GRIK4: variants seen among roughly 807,000 people sequenced by gnomAD.
GRIK4 encodes glutamate ionotropic receptor kainate type subunit 4.
GRIK4 carries 40 observed loss-of-function variants against 104.9 expected under a neutral mutation model. That is an observed-to-expected ratio of 0.38 (90% CI 0.30 to 0.50). The LOEUF (loss-of-function observed/expected upper bound fraction) is 0.50, where lower values mean the gene tolerates loss of function less well. Among genes scored for constraint, GRIK4 ranks in the 20% least tolerant of loss-of-function variants. GRIK4 has a pLI of 0.93. For synonymous variants in GRIK4, 485 were observed against 524.9 expected, an observed-to-expected ratio of 0.92 and a Z score of 1.04; for missense variants, 1,047 against 1,308.1, an observed-to-expected ratio of 0.80 and a Z score of 3.08.
chr11:120,830,860 C>T (rs971041342), intron 6 of GRIK4, among the ~76,000 whole-genome samples: 1 of 150,922 alleles, frequency 6.6e-6, no homozygotes, highest in Non-Finnish European at 1.5e-5. Context: ...TGCACCCCCA[C>T]ATCACCCCCA....
intron 19 of GRIK4, among the ~76,000 whole-genome samples, chr11:120,971,035 TAAATC>T (rs1944466397): frequency 1.3e-5 from 2 of 152,132 alleles, no homozygotes; most frequent in Non-Finnish European, 2.9e-5. Context: ...TTGAGTAAGA[TAAATC>T]AAGCATTCAG....
intron 8 of GRIK4, among the ~76,000 whole-genome samples, chr11:120,854,680 T>G (rs1260186382): frequency 6.6e-6 from 1 of 152,220 alleles, no homozygotes; most frequent in Non-Finnish European, 1.5e-5. Flanking sequence ...GCTATTCTAT[T>G]ATTACTTCTA....
At chr11:120,963,732 C>T (rs184340062) in intron 18 of GRIK4, among the ~76,000 whole-genome samples, 19 of 152,262 alleles carry the variant, frequency 1.2e-4, no homozygotes, top group Admixed American at 1.1e-3. Context: ...GTAACGAGCA[C>T]GGGCTGGGAG....
intron 20 of GRIK4, among the ~76,000 whole-genome samples, 196 bp downstream of exon 20, chr11:120,982,420 T>C (rs117429866): frequency 1.3e-5 from 2 of 152,360 alleles, no homozygotes; most frequent in East Asian, 3.9e-4. Flanking sequence ...TCTAGAACTA[T>C]CATTTAAGAT....
intron 11 of GRIK4, among the ~76,000 whole-genome samples, chr11:120,896,549 G>A (rs544220342): frequency 9.2e-5 from 14 of 152,266 alleles, no homozygotes; most frequent in African/African-American, 3.4e-4. Flanking sequence ...GAGACCATAA[G>A]GCTCCTGCCT....
chr11:120,550,885 C>T (rs936238441), intron 1 of GRIK4, among the ~76,000 whole-genome samples: 2 of 152,018 alleles, frequency 1.3e-5, no homozygotes. Flanking sequence ...AGCAGGTGCA[C>T]AGAGCAGTGG....
chr11:120,785,496 A>G (rs1031215015), intron 3 of GRIK4, among the ~76,000 whole-genome samples: 2 of 152,232 alleles, frequency 1.3e-5, no homozygotes, highest in African/African-American at 2.4e-5. Context: ...ATTGTCGGTG[A>G]TGCCAGGGAC....
chr11:120,519,815 A>G (rs1947773770), intron 1 of GRIK4, among the ~76,000 whole-genome samples: 1 of 149,210 alleles, frequency 6.7e-6, no homozygotes, highest in African/African-American at 2.5e-5. Flanking sequence ...TGAAATATGC[A>G]CTAATCCCTC....
intron 1 of GRIK4, among the ~76,000 whole-genome samples, chr11:120,573,167 G>T (rs1158886152): frequency 2.0e-5 from 3 of 152,180 alleles, no homozygotes; most frequent in African/African-American, 7.2e-5. Context: ...CACTGCTTGG[G>T]TTGAAGGACA....
chr11:120,543,666 A>T (rs1948058985), intron 1 of GRIK4, among the ~76,000 whole-genome samples: 1 of 152,244 alleles, frequency 6.6e-6, no homozygotes, highest in Non-Finnish European at 1.5e-5. Context: ...ATCCAAAGGG[A>T]TTGAAATCAG....
In GRIK4 at chr11:120,967,086, G is replaced by A. The variant is rs972481923; in HGVS notation, c.2267-109G>A. 4 of 1,251,674 alleles carry A rather than the reference G, an allele frequency of 3.2e-6. No individual in the cohort carries two copies. Among genetic ancestry groups the A allele is most frequent in the African/African-American group, 1.5e-5 (1 of 66,974 alleles). The allele number at this position is 1,251,674 out of a possible 1,614,324, so 77.5% of individuals were successfully genotyped here. On this transcript the variant is annotated intron_variant, in intron 18 of 20. Coordinates refer to ENST00000527524, the MANE Select transcript of GRIK4 (RefSeq NM_014619.5). The surrounding 1 kb of genome is among the most constrained non-coding windows in gnomAD (Gnocchi z 4.2). ...CCGCTGCATCTGTCTGTCCCCTCTC[G>A]AGGTGAAAGCAGGCAGGGTGGCCAG...
intron 11 of GRIK4, among the ~76,000 whole-genome samples, chr11:120,876,237 T>TACCACC (rs1159760105): frequency 9.6e-6 from 1 of 104,586 alleles, no homozygotes; most frequent in Non-Finnish European, 2.0e-5. Flanking sequence ...CCACGATTAC[T>TACCACC]ACCACCACCA....
chr11:120,672,400 G>A (rs920606940), intron 3 of GRIK4, among the ~76,000 whole-genome samples: 1 of 152,068 alleles, frequency 6.6e-6, no homozygotes, highest in Non-Finnish European at 1.5e-5. Flanking sequence ...TGGTCAACAA[G>A]AGTGAAACTC....
chr11:120,834,263 GGTGTGT>G (rs141196181), intron 7 of GRIK4, among the ~76,000 whole-genome samples: 263 of 146,020 alleles, frequency 1.8e-3, no homozygotes, highest in East Asian at 4.3e-3. Context: ...ACACTTTATA[GGTGTGT>G]GTGTGTGTGT....
intron 3 of GRIK4, among the ~76,000 whole-genome samples, chr11:120,667,542 GC>G (rs1949937304): frequency 2.0e-5 from 3 of 152,242 alleles, no homozygotes; most frequent in Admixed American, 6.5e-5. Flanking sequence ...GTCACACTTA[GC>G]TCTCATTAGT....
At chr11:120,620,835 C>A (rs1441102300) in intron 1 of GRIK4, among the ~76,000 whole-genome samples, 2 of 152,124 alleles carry the variant, frequency 1.3e-5, no homozygotes, top group Non-Finnish European at 1.5e-5. Flanking sequence ...CACGATGTGC[C>A]GGGCATTGTG....
chr11:120,518,221 T>C (rs1321270835), intron 1 of GRIK4, among the ~76,000 whole-genome samples: 2 of 152,194 alleles, frequency 1.3e-5, no homozygotes, highest in Non-Finnish European at 2.9e-5. Context: ...GCTTTTCCAG[T>C]TCCAGCAGTG....
In GRIK4 at chr11:120,889,588, C is replaced by CTTTTTTTTTTTTTTTT. The variant is rs776440015; in HGVS notation, c.1165-8944_1165-8943insTTTTTTTTTTTTTTTT. On this transcript the variant is annotated intron_variant, in intron 11 of 20. Coordinates refer to ENST00000527524, the MANE Select transcript of GRIK4 (RefSeq NM_014619.5). ...AATAGAATAAAATAGAAAGAGCTTA[C>CTTTTTTTTTTTTTTTT]ATTTTTTTTTTTTTTTTTTTTTTTT... Among the ~76,000 whole-genome samples the CTTTTTTTTTTTTTTTT allele has an allele frequency of 1.3e-3, 90 of 67,136 alleles. 25 individuals carry two copies. The highest frequency in any genetic ancestry group is 3.1e-3 in the South Asian group (5 of 1,620). The allele number at this position is 67,136 out of a possible 152,430, so 44.0% of individuals were successfully genotyped here.
intron 4 of GRIK4, among the ~76,000 whole-genome samples, chr11:120,810,563 T>A (rs1952808942): frequency 6.6e-6 from 1 of 152,184 alleles, no homozygotes. Context: ...ACCATGGTAG[T>A]CTGGAGATGC....
Sources: gnomAD v4.1 joint callset for allele counts (sites outside exome capture counted in the v4.1 genomes callset) on GRCh38, gnomAD v4.1.1 for gene constraint, Gnocchi (gnomAD v3.1) non-coding constraint, MANE v1.5 for transcripts, NCBI Gene and HGNC (gene_info 2026-07-23, HGNC 2026-07-21) for gene names.